The following HCRTR2 variants were observed in gnomAD, a reference collection of about 807,000 sequenced individuals.
HCRTR2 encodes hypocretin receptor 2, also known as orexin receptor type 2.
HCRTR2 carries 22 observed loss-of-function variants against 49.0 expected under a neutral mutation model. That is an observed-to-expected ratio of 0.45 (90% CI 0.32 to 0.64). The LOEUF is 0.64. HCRTR2 is among the 30% of genes least tolerant of loss of function. The pLI is 0.04. For missense variants in HCRTR2, 491 were observed against 559.4 expected, an observed-to-expected ratio of 0.88 and a Z score of 1.23; for synonymous variants, 236 against 205.3, an observed-to-expected ratio of 1.15 and a Z score of -1.28.
chr6:55,192,616 G>A (rs1765339132), intron 1 of HCRTR2, among the ~76,000 whole-genome samples: 1 of 152,042 alleles, frequency 6.6e-6, no homozygotes, highest in African/African-American at 2.4e-5. Flanking sequence ...ACACTTTTCT[G>A]CATCTAGATC....
At chr6:55,271,349 G>A (rs992461489) in intron 4 of HCRTR2, among the ~76,000 whole-genome samples, 3 of 152,016 alleles carry the variant, frequency 2.0e-5, no homozygotes, top group African/African-American at 4.8e-5. Context: ...ACAAGCAAAA[G>A]GATGGAGTTG....
At position 55,217,030 on chromosome 6, in the gene HCRTR2, G is replaced by T. The variant is rs371773244; in HGVS notation, c.224-31609G>T. On this transcript the variant is annotated intron_variant, in intron 1 of 6. Transcript: ENST00000370862. ...TGGCTTTTGCTTTCTGGAGCAGTGA[G>T]GTAAGCTACACTTGGAGCCTCTTGA... is the stretch of plus-strand genomic sequence containing the variant. Among the ~76,000 whole-genome samples, 6 of 152,258 alleles carry T rather than the reference G, an allele frequency of 3.9e-5. No individual in the cohort carries two copies. In the East Asian group the frequency reaches 9.7e-4, roughly 25 times the overall value.
chr6:55,115,784 G>C (rs745412339), intron 1 of HCRTR2, among the ~76,000 whole-genome samples: 4 of 151,518 alleles, frequency 2.6e-5, no homozygotes, highest in Non-Finnish European at 5.9e-5. Context: ...TGAACCATGA[G>C]AAGATGAAAC....
intron 1 of HCRTR2, among the ~76,000 whole-genome samples, chr6:55,222,467 C>T (rs1765917623): frequency 6.6e-6 from 1 of 152,020 alleles, no homozygotes; most frequent in African/African-American, 2.4e-5. Context: ...AACAGGAACT[C>T]AAAGAGATAT....
intron 4 of HCRTR2, among the ~76,000 whole-genome samples, chr6:55,267,584 G>C (rs987017293): frequency 4.6e-5 from 7 of 151,974 alleles, no homozygotes; most frequent in African/African-American, 1.7e-4. Flanking sequence ...TCATGTGCTT[G>C]TGTTAATTTA....
intron 4 of HCRTR2, among the ~76,000 whole-genome samples, chr6:55,275,430 TTTCTCTGAA>T (rs1767059217): frequency 6.6e-6 from 1 of 151,980 alleles, no homozygotes; most frequent in Non-Finnish European, 1.5e-5. Context: ...TTATACGGAG[TTTCTCTGAA>T]TTCTCCATGT....
At chr6:55,266,203 T>G (rs1766857283) in intron 4 of HCRTR2, among the ~76,000 whole-genome samples, 1 of 152,206 alleles carries the variant, frequency 6.6e-6, no homozygotes, top group African/African-American at 2.4e-5. Context: ...AAGCATGTGT[T>G]GAATTGGTAT....
intron 1 of HCRTR2, among the ~76,000 whole-genome samples, chr6:55,235,020 A>C (rs765451189): frequency 2.2e-4 from 33 of 152,310 alleles, no homozygotes; most frequent in Non-Finnish European, 3.2e-4. Flanking sequence ...CTACTACTAA[A>C]CATACAACCT....
rs34704863 is a variant in HCRTR2, at chr6:55,112,548, C to CAA, written c.-378+6020_-378+6021dup. 3.5e-3 allele frequency among the ~76,000 whole-genome samples: 273 copies of CAA among 79,078 alleles called. 1 individual carries two copies. Among genetic ancestry groups the CAA allele is most frequent in the South Asian group, 0.028 (63 of 2,256 alleles). 51.9% of individuals were successfully genotyped at this position (79,078 alleles called of 152,430 possible). A position where few individuals can be genotyped will look rare whatever the true frequency, so the allele number is the denominator to read the frequency against. On this transcript the variant is annotated intron_variant, in intron 1 of 7. Transcript: ENST00000615358. Reference sequence around the variant, plus strand: ...AATTCAACCCCTTTTACAATAGCTGCAAAAAAAAAAAAAAAAAACCTTAGG... The same window carrying CAA: ...AATTCAACCCCTTTTACAATAGCTGCAAAAAAAAAAAAAAAAAAAACCTTAGG...
intron 1 of HCRTR2, among the ~76,000 whole-genome samples, chr6:55,216,823 T>C (rs2127294115): frequency 6.6e-6 from 1 of 152,310 alleles, no homozygotes; most frequent in Non-Finnish European, 1.5e-5. Flanking sequence ...CCCCGTATTT[T>C]TACTCAACAT....
chr6:55,240,957 GTTTTC>G (rs1766317958), intron 1 of HCRTR2, among the ~76,000 whole-genome samples: 2 of 143,648 alleles, frequency 1.4e-5, no homozygotes, highest in African/African-American at 2.5e-5. Flanking sequence ...CTTTTTTTTT[GTTTTC>G]TTTTCTTTTT....
chr6:55,193,443 T>C (rs1765355214), intron 1 of HCRTR2, among the ~76,000 whole-genome samples: 1 of 151,898 alleles, frequency 6.6e-6, no homozygotes, highest in South Asian at 2.1e-4. Context: ...ATAAAGGAGC[T>C]AAACCTTTGC....
At chr6:55,165,513 A>T (rs2127264594) in intron 1 of HCRTR2, among the ~76,000 whole-genome samples, 1 of 152,154 alleles carries the variant, frequency 6.6e-6, no homozygotes, top group Non-Finnish European at 1.5e-5. Flanking sequence ...TAAAACTATG[A>T]AACTCTTAGA....
At chr6:55,174,476 G>C, upstream of HCRTR2, 4 of 902,620 alleles carry the variant, frequency 4.4e-6, no homozygotes, top group South Asian at 1.3e-5. Flanking sequence ...TTTTCTGCTC[G>C]GGAGCCCCTT....
At chr6:55,159,452 C>T (rs1764775616) in intron 1 of HCRTR2, among the ~76,000 whole-genome samples, 1 of 152,098 alleles carries the variant, frequency 6.6e-6, no homozygotes, top group African/African-American at 2.4e-5. Flanking sequence ...ATCACAATTC[C>T]TCACCAGCAA....
chr6:55,255,493 A>G (rs960236922), intron 3 of HCRTR2, 114 bp downstream of exon 3: 2 of 1,281,778 alleles, frequency 1.6e-6, no homozygotes, highest in South Asian at 1.2e-5. Flanking sequence ...ATTTGTGAAT[A>G]CAGTTTTGCA....
chr6:55,136,777 A>T (rs572419255), intron 1 of HCRTR2, among the ~76,000 whole-genome samples: 2 of 152,242 alleles, frequency 1.3e-5, no homozygotes, highest in East Asian at 3.9e-4. Context: ...AAATCTCAGT[A>T]GCTGGAACCT....
At chr6:55,215,316 A>C (rs1244084351) in intron 1 of HCRTR2, among the ~76,000 whole-genome samples, 1 of 152,348 alleles carries the variant, frequency 6.6e-6, no homozygotes, top group South Asian at 2.1e-4. Flanking sequence ...CCAACAAAAA[A>C]TCCTTTATCC....
At chr6:55,190,531 G>C (rs1765298800) in intron 1 of HCRTR2, among the ~76,000 whole-genome samples, 1 of 152,104 alleles carries the variant, frequency 6.6e-6, no homozygotes, top group Non-Finnish European at 1.5e-5. Context: ...AAGGAGACAG[G>C]TATGGTGAAA....
Sources: gnomAD v4.1 joint callset for allele counts (sites outside exome capture counted in the v4.1 genomes callset) on GRCh38, gnomAD v4.1.1 for gene constraint, MANE v1.5 for transcripts, NCBI Gene and HGNC (gene_info 2026-07-23, HGNC 2026-07-21) for gene names.